Variants in CADPS2 observed in about 807,000 individuals in gnomAD.
CADPS2 encodes calcium-dependent secretion activator 2.
In CADPS2, 93 loss-of-function variants were observed where a neutral mutation model predicts 172.5. That is an observed-to-expected ratio of 0.54 (90% CI 0.46 to 0.64). The LOEUF (loss-of-function observed/expected upper bound fraction) is 0.64. Among genes scored for constraint, CADPS2 ranks in the 30% least tolerant of loss-of-function variants. The pLI is 0.00. For missense variants in CADPS2, 1,420 were observed against 1,565.9 expected (o/e 0.91, Z 1.57); for synonymous variants, 546 against 555.2 (o/e 0.98, Z 0.23).
At chr7:122,870,405 T>C (rs911985301) in intron 1 of CADPS2, among the ~76,000 whole-genome samples, 1 of 152,030 alleles carries the variant, frequency 6.6e-6, no homozygotes, top group African/African-American at 2.4e-5. Flanking sequence ...CAAAAAGTTA[T>C]AATAATTGTA....
chr7:122,809,061 G>A (rs34893488), intron 1 of CADPS2, among the ~76,000 whole-genome samples: 30,381 of 152,068 alleles, frequency 0.2, 3,167 homozygotes, highest in Middle Eastern at 0.3. Flanking sequence ...CCAAAACAAG[G>A]ATGTTTGCCT....
chr7:122,644,804 T>C (rs976356918), intron 3 of CADPS2, among the ~76,000 whole-genome samples: 2 of 152,142 alleles, frequency 1.3e-5, no homozygotes, highest in East Asian at 1.9e-4. Flanking sequence ...AGCAACACAT[T>C]CCCTGTGTGA....
chr7:122,711,705 T>A (rs112426728), intron 2 of CADPS2, among the ~76,000 whole-genome samples: 5 of 152,190 alleles, frequency 3.3e-5, no homozygotes, highest in Non-Finnish European at 7.4e-5. Flanking sequence ...CAGGATGGAG[T>A]ACAGTAGCGT....
chr7:122,395,915 T>C (rs1452457426), intron 20 of CADPS2, among the ~76,000 whole-genome samples: 1 of 152,102 alleles, frequency 6.6e-6, no homozygotes, highest in East Asian at 1.9e-4. Flanking sequence ...GTTTAAGCGA[T>C]TCTCCTGCCT....
At chr7:122,471,618 G>A in intron 13 of CADPS2, 56 bp from the exon 14 acceptor site, 1 of 1,451,978 alleles carries the variant, frequency 6.9e-7, no homozygotes, top group South Asian at 1.4e-5. Context: ...ACTACGATTT[G>A]CTTTCCTGAA....
intron 15 of CADPS2, among the ~76,000 whole-genome samples, chr7:122,446,974 G>GCA (rs1318562616): frequency 4.0e-5 from 6 of 148,662 alleles, no homozygotes; most frequent in Admixed American, 2.0e-4. Context: ...AAATTGTTTT[G>GCA]GGTGGGAGGC....
intron 9 of CADPS2, among the ~76,000 whole-genome samples, chr7:122,500,615 C>T (rs780899217): frequency 2.6e-5 from 4 of 152,132 alleles, no homozygotes; most frequent in Non-Finnish European, 5.9e-5. Flanking sequence ...ATGGAGAAAC[C>T]AGGCTTACCC....
intron 1 of CADPS2, among the ~76,000 whole-genome samples, chr7:122,879,340 A>T (rs367672170): frequency 2.0e-5 from 3 of 151,816 alleles, no homozygotes; most frequent in African/African-American, 7.3e-5. Flanking sequence ...GTTCGAGACC[A>T]GCCTGGCCAA....
intron 1 of CADPS2, among the ~76,000 whole-genome samples, chr7:122,878,650 A>C (rs1821993111): frequency 7.2e-6 from 1 of 139,386 alleles, no homozygotes; most frequent in Admixed American, 6.9e-5. Flanking sequence ...AAATAAATAA[A>C]TAAATAAATA....
At chr7:122,563,657 G>C (rs1164408997) in intron 7 of CADPS2, among the ~76,000 whole-genome samples, 4 of 152,048 alleles carry the variant, frequency 2.6e-5, no homozygotes, top group Non-Finnish European at 5.9e-5. Context: ...AATTTTTAGA[G>C]CCAATTCAAT....
chr7:122,486,614 AC>A (rs1423770935), intron 11 of CADPS2, among the ~76,000 whole-genome samples: 1 of 152,162 alleles, frequency 6.6e-6, no homozygotes, highest in East Asian at 1.9e-4. Flanking sequence ...TGTTGAAAGG[AC>A]AACAAATGAT....
chr7:122,821,343 G>A (rs1300302816), intron 1 of CADPS2, among the ~76,000 whole-genome samples: 1 of 151,996 alleles, frequency 6.6e-6, no homozygotes, highest in Non-Finnish European at 1.5e-5. Flanking sequence ...TTTCCATCGT[G>A]GAAATCTATC....
chr7:122,358,865 A>AG (rs1472423734), intron 27 of CADPS2, among the ~76,000 whole-genome samples: 2 of 152,108 alleles, frequency 1.3e-5, no homozygotes, highest in African/African-American at 4.8e-5. Context: ...GTTCTGCTCC[A>AG]GGGGGCAACT....
At chr7:122,596,179 T>C (rs917910453) in intron 6 of CADPS2, among the ~76,000 whole-genome samples, 4 of 152,096 alleles carry the variant, frequency 2.6e-5, no homozygotes, top group African/African-American at 7.2e-5. Flanking sequence ...CAACTAAATG[T>C]TGAGATACCT....
intron 6 of CADPS2, among the ~76,000 whole-genome samples, chr7:122,583,115 T>C (rs913223290): frequency 2.0e-5 from 3 of 151,926 alleles, no homozygotes; most frequent in Admixed American, 6.6e-5. Context: ...CATGGTTCCA[T>C]GAACTTCCAG....
At chr7:122,677,642 A>G (rs933266581) in intron 2 of CADPS2, among the ~76,000 whole-genome samples, 3 of 152,118 alleles carry the variant, frequency 2.0e-5, no homozygotes, top group Non-Finnish European at 4.4e-5. Context: ...TCTTAAAGGT[A>G]AACAACAACA....
At chr7:122,501,839 C>T (rs2059226348) in intron 9 of CADPS2, among the ~76,000 whole-genome samples, 2 of 136,880 alleles carry the variant, frequency 1.5e-5, no homozygotes, top group South Asian at 4.6e-4. Context: ...CGCACCACTG[C>T]ACTCCAGCCT....
intron 28 of CADPS2, among the ~76,000 whole-genome samples, chr7:122,334,873 T>TA (rs750731033): frequency 1.1e-4 from 16 of 152,236 alleles, no homozygotes; most frequent in Non-Finnish European, 2.1e-4. Flanking sequence ...ACCCATTTGG[T>TA]AAGCTCCCTT....
chr7:122,371,692 T>C (rs1468492668), intron 25 of CADPS2, among the ~76,000 whole-genome samples: 3 of 150,926 alleles, frequency 2.0e-5, no homozygotes, highest in Non-Finnish European at 4.4e-5. Context: ...GCCTGAAGAC[T>C]ATAGTACTGC....
Sources: gnomAD v4.1 joint callset for allele counts (sites outside exome capture counted in the v4.1 genomes callset) on GRCh38, gnomAD v4.1.1 for gene constraint, MANE v1.5 for transcripts, NCBI Gene and HGNC (gene_info 2026-07-23, HGNC 2026-07-21) for gene names.